Variants in EPHX4 observed in about 807,000 individuals in gnomAD.
EPHX4 encodes the protein epoxide hydrolase 4.
EPHX4 carries 31 observed loss-of-function variants against 44.9 expected under a neutral mutation model. That is an observed-to-expected ratio of 0.69 (90% CI 0.52 to 0.93). EPHX4 has a LOEUF of 0.93. Among genes scored for constraint, EPHX4 ranks in the 40% least tolerant of loss-of-function variants. The pLI is 0.00. For missense variants in EPHX4, 373 were observed against 438.1 expected, an observed-to-expected ratio of 0.85 and a Z score of 1.33; for synonymous variants, 151 against 159.7, an observed-to-expected ratio of 0.95 and a Z score of 0.41.
chr1:92,062,371 G>A (rs1330866228), intron 6 of EPHX4, among the ~76,000 whole-genome samples: 1 of 151,858 alleles, frequency 6.6e-6, no homozygotes, highest in African/African-American at 2.4e-5. Context: ...GGATCAAGAG[G>A]TCAGGAGTTC....
intron 6 of EPHX4, among the ~76,000 whole-genome samples, chr1:92,059,716 G>A (rs1022867094): frequency 8.5e-5 from 13 of 152,160 alleles, no homozygotes; most frequent in African/African-American, 3.1e-4. Flanking sequence ...TTAAACAGAT[G>A]CACCTGCAAA....
intron 4 of EPHX4, among the ~76,000 whole-genome samples, chr1:92,047,588 T>C (rs1557884413): frequency 6.6e-6 from 1 of 152,216 alleles, no homozygotes; most frequent in East Asian, 1.9e-4. Flanking sequence ...TGTTTTTTGC[T>C]GTTTCATCAA....
chr1:92,046,551 C>T (rs574801242), intron 4 of EPHX4, among the ~76,000 whole-genome samples: 6 of 152,286 alleles, frequency 3.9e-5, no homozygotes, highest in Non-Finnish European at 8.8e-5. Context: ...GCAACCTCCA[C>T]CTCCTGGGTT....
intron 2 of EPHX4, among the ~76,000 whole-genome samples, chr1:92,035,787 AGT>A (rs1460080507): frequency 1.3e-5 from 2 of 152,000 alleles, no homozygotes; most frequent in African/African-American, 4.8e-5. Context: ...AACAGGCTCC[AGT>A]GTGTGTTGTT....
intron 4 of EPHX4, among the ~76,000 whole-genome samples, chr1:92,049,150 T>G (rs1239673716): frequency 6.6e-6 from 1 of 152,182 alleles, no homozygotes; most frequent in Non-Finnish European, 1.5e-5. Flanking sequence ...CTTTTCTTTC[T>G]GACTCATCAT....
chr1:92,045,764 T>G, intron 4 of EPHX4, 104 bp downstream of exon 4: 3 of 1,265,792 alleles, frequency 2.4e-6, no homozygotes, highest in Non-Finnish European at 3.4e-6. Flanking sequence ...TATCATATTT[T>G]AAAATTAAAT....
intron 6 of EPHX4, among the ~76,000 whole-genome samples, chr1:92,059,850 G>C (rs1647450163): frequency 1.3e-5 from 2 of 151,526 alleles, no homozygotes; most frequent in Admixed American, 1.3e-4. Context: ...TTACCAACCA[G>C]TAGAGAAGTT....
intron 3 of EPHX4, chr1:92,043,225 T>C: frequency 3.3e-6 from 1 of 307,112 alleles, no homozygotes. Context: ...AACATAGACC[T>C]AATGGCCCGG....
chr1:92,050,185 T>G, intron 4 of EPHX4, 132 bp from the exon 5 acceptor site: 1 of 605,122 alleles, frequency 1.7e-6, no homozygotes, highest in Non-Finnish European at 2.9e-6. Flanking sequence ...ATAGAAATTG[T>G]TCCAAAGAAG....
chr1:92,036,213 G>A (rs1483640969), intron 2 of EPHX4, among the ~76,000 whole-genome samples: 1 of 152,022 alleles, frequency 6.6e-6, no homozygotes, highest in Admixed American at 6.6e-5. Flanking sequence ...TTATTCCCCT[G>A]GAATTTCACC....
At chr1:92,036,180 C>T (rs1472230412) in intron 2 of EPHX4, among the ~76,000 whole-genome samples, 1 of 152,190 alleles carries the variant, frequency 6.6e-6, no homozygotes, top group African/African-American at 2.4e-5. Context: ...CTACCTCACA[C>T]CAACCCCAGT....
chr1:92,043,063 G>A, intron 3 of EPHX4, 83 bp downstream of exon 3: 3 of 1,152,746 alleles, frequency 2.6e-6, no homozygotes, highest in Non-Finnish European at 3.6e-6. Flanking sequence ...TTTCTTGGGA[G>A]GATGCATATT....
intron 2 of EPHX4, among the ~76,000 whole-genome samples, chr1:92,034,712 G>C (rs1045362701): frequency 3.3e-5 from 5 of 150,052 alleles, no homozygotes. Context: ...TGCAATCTCA[G>C]CTCATTGCAA....
At chr1:92,046,369 G>A (rs907162488) in intron 4 of EPHX4, among the ~76,000 whole-genome samples, 2 of 152,172 alleles carry the variant, frequency 1.3e-5, no homozygotes, top group Non-Finnish European at 2.9e-5. Flanking sequence ...TCTGTAATTG[G>A]AAAAGGGAGG....
intron 6 of EPHX4, among the ~76,000 whole-genome samples, chr1:92,054,605 A>AAAGTAACCT (rs1244451662): frequency 1.3e-5 from 2 of 151,518 alleles, no homozygotes; most frequent in Non-Finnish European, 2.9e-5. Flanking sequence ...AAAAAAAAAA[A>AAAGTAACCT]AAGTAACCTA....
intron 2 of EPHX4, among the ~76,000 whole-genome samples, chr1:92,037,881 G>A (rs1688463170): frequency 6.6e-6 from 1 of 152,172 alleles, no homozygotes; most frequent in Admixed American, 6.5e-5. Context: ...TTTGTAATGT[G>A]TTTCATTCCT....
chr1:92,046,095 G>A (rs12089146), intron 4 of EPHX4, among the ~76,000 whole-genome samples: 6,878 of 152,100 alleles, frequency 0.045, 422 homozygotes, highest in African/African-American at 0.15. Flanking sequence ...ACCCCATTGA[G>A]CTTTTACTTA....
chr1:92,030,581 G>A (rs1688345604), intron 1 of EPHX4, among the ~76,000 whole-genome samples: 1 of 151,778 alleles, frequency 6.6e-6, no homozygotes, highest in African/African-American at 2.4e-5. Context: ...TCTAATCAGG[G>A]GCCTCTTATA....
intron 5 of EPHX4, among the ~76,000 whole-genome samples, chr1:92,051,042 AG>A (rs1424020904): frequency 6.6e-6 from 1 of 152,148 alleles, no homozygotes; most frequent in Non-Finnish European, 1.5e-5. Flanking sequence ...CATGTTGCCC[AG>A]GCTGGTCTGA....
Sources: allele counts gnomAD v4.1 joint callset (sites outside exome capture counted in the v4.1 genomes callset), GRCh38; gene constraint gnomAD v4.1.1; transcripts MANE v1.5; gene names NCBI Gene and HGNC (gene_info 2026-07-23, HGNC 2026-07-21).